The following CMC2 variants were observed in gnomAD, a reference collection of about 807,000 sequenced individuals.
The protein encoded by CMC2 is C-X9-C motif containing 2, also known as COX assembly mitochondrial protein 2 homolog.
Under a neutral mutation model 7.5 loss-of-function variants are expected in CMC2, and 5 were observed. The observed-to-expected ratio is 0.66, with a 90% CI of 0.35 to 1.40. The LOEUF (loss-of-function observed/expected upper bound fraction) is 1.40. Among genes scored for constraint, CMC2 ranks in the 40% most tolerant of loss-of-function variants. The probability of loss-of-function intolerance (pLI) is 0.04; values close to 1 mark genes in which losing one functional copy is unlikely to be tolerated. For missense variants in CMC2, 115 were observed against 92.3 expected (o/e 1.25, Z -1.01); for synonymous variants, 37 against 31.4 (o/e 1.18, Z -0.60).
rs148366341 is a variant in CMC2, at chr16:80,973,995, G to A, written c.*2098C>T. 2 of 152,134 alleles carry A rather than the reference G, an allele frequency of 1.3e-5. No homozygotes were observed. Among genetic ancestry groups the A allele is most frequent in the South Asian group, 2.1e-4 (1 of 4,820 alleles). The allele number at this position is 152,134 out of a possible 1,614,324, so 9.4% of individuals were successfully genotyped here. On this transcript the variant is annotated 3_prime_UTR_variant, in exon 4 of 4. Coordinates refer to ENST00000219400, the MANE Select transcript of CMC2 (RefSeq NM_020188.5). ...GGGCCTTAGCTGGCATCTGCATGCT[G>A]ACATCTCCCAATTTTGTTCTAATCC...
Position 80,971,584 on chromosome 16 carries a change from ATG to A in CMC2, c.*4507_*4508del, listed in dbSNP as rs1555512301. 153 of 139,312 alleles carry A rather than the reference ATG, an allele frequency of 1.1e-3. 6 individuals are homozygous for A. The highest frequency in any genetic ancestry group is 3.6e-3 in the African/African-American group (124 of 34,042). The allele number at this position is 139,312 out of a possible 1,614,324, so 8.6% of individuals were successfully genotyped here. A position where few individuals can be genotyped will look rare whatever the true frequency, so the allele number is the denominator to read the frequency against. On this transcript the variant is annotated 3_prime_UTR_variant, in exon 4 of 4. Transcript: ENST00000219400. ...ACATTTTATATATATATATATATATATGTATGAAATCATGCATATATATATAT... is the reference window on the plus strand; with the variant it reads ...ACATTTTATATATATATATATATATATATGAAATCATGCATATATATATAT...
At chr16:81,003,180 T>C (rs887956506) in intron 1 of CMC2, among the ~76,000 whole-genome samples, 20 of 152,226 alleles carry the variant, frequency 1.3e-4, no homozygotes, top group African/African-American at 4.6e-4. Context: ...GGCAATGTTC[T>C]CTCAGAACAC....
intron 2 of CMC2, among the ~76,000 whole-genome samples, chr16:80,985,868 G>A (rs1245521375): frequency 8.8e-6 from 1 of 113,464 alleles, no homozygotes; most frequent in Non-Finnish European, 1.7e-5. Flanking sequence ...ATCAAGGCTT[G>A]GAAGACAGAA....
In CMC2 at chr16:80,968,425, C is replaced by T. The variant is rs12149171; in HGVS notation, c.*7668G>A. 24,405 of 152,088 alleles carry T rather than the reference C, an allele frequency of 0.16. 2,492 individuals carry two copies. Among genetic ancestry groups the T allele is most frequent in the African/African-American group, 0.3 (12,401 of 41,428 alleles). 9.4% of individuals were successfully genotyped at this position (152,088 alleles called of 1,614,324 possible). On this transcript the variant is annotated 3_prime_UTR_variant, in exon 4 of 4. Transcript: ENST00000219400. ...GGGTTACGCTAAAGCTGCTGGCCCA[C>T]GGACCACAGTCTAATGGCCCAAATG...
intron 1 of CMC2, among the ~76,000 whole-genome samples, chr16:80,999,547 C>T (rs1968696173): frequency 6.6e-6 from 1 of 151,784 alleles, no homozygotes; most frequent in Non-Finnish European, 1.5e-5. Flanking sequence ...CATTTTTTCA[C>T]ACAATTAGAA....
In CMC2 at chr16:80,971,458, A is replaced by ATTT. The variant is rs1911906416; in HGVS notation, c.*4634_*4635insAAA. 13 of 146,438 alleles carry ATTT rather than the reference A, an allele frequency of 8.9e-5. 1 individual carries two copies. Among genetic ancestry groups the ATTT allele is most frequent in the African/African-American group, 2.4e-4 (9 of 37,646 alleles). The allele number at this position is 146,438 out of a possible 1,614,324, so 9.1% of individuals were successfully genotyped here. A position where few individuals can be genotyped will look rare whatever the true frequency, so the allele number is the denominator to read the frequency against. ...ATCAACATAGTATTTTTTTTTTAAA[A>ATTT]AAAAAAGGTACGCTACCAAAGGCTA... On this transcript the variant is annotated 3_prime_UTR_variant, in exon 4 of 4. Coordinates refer to ENST00000219400, the MANE Select transcript of CMC2 (RefSeq NM_020188.5).
At chr16:81,005,441 A>T (rs938293546) in intron 1 of CMC2, among the ~76,000 whole-genome samples, 1 of 139,248 alleles carries the variant, frequency 7.2e-6, no homozygotes, top group Non-Finnish European at 1.6e-5. Flanking sequence ...TATATATATA[A>T]ATAAATAACA....
At position 80,973,726 on chromosome 16, in the gene CMC2, A is replaced by C. The variant is rs1277775510; in HGVS notation, c.*2367T>G. The stretch of plus-strand genomic sequence containing the variant: ...GCTCACTGTGCTCCAGTTCACTAGC[A>C]TTTTATTTGTCAAACTCCCTTCCTA... On this transcript the variant is annotated 3_prime_UTR_variant, in exon 4 of 4. Transcript: ENST00000219400. The C allele has an allele frequency of 3.9e-5, 6 of 152,144 alleles. No homozygotes were observed. Among genetic ancestry groups the C allele is most frequent in the Admixed American group, 3.9e-4 (6 of 15,262 alleles). 9.4% of individuals were successfully genotyped at this position (152,144 alleles called of 1,614,324 possible).
intron 2 of CMC2, among the ~76,000 whole-genome samples, chr16:80,984,567 G>C (rs908598259): frequency 6.6e-6 from 1 of 151,970 alleles, no homozygotes; most frequent in African/African-American, 2.4e-5. Flanking sequence ...AAAACTTTTT[G>C]TACTTAATTT....
In CMC2 at chr16:80,968,905, C is replaced by T. The variant is rs1028630964; in HGVS notation, c.*7188G>A. 6 of 152,170 alleles carry T rather than the reference C, an allele frequency of 3.9e-5. No individual in the cohort carries two copies. Among genetic ancestry groups the T allele is most frequent in the African/African-American group, 7.2e-5 (3 of 41,422 alleles). The allele number at this position is 152,170 out of a possible 1,614,324, so 9.4% of individuals were successfully genotyped here. A position where few individuals can be genotyped will look rare whatever the true frequency, so the allele number is the denominator to read the frequency against. Reference sequence around the variant, plus strand: ...AAAGATGGAAGATACTGAGTCTCTACGAGGAATGGTGTGAGAAACAAGAAT... The same window carrying T: ...AAAGATGGAAGATACTGAGTCTCTATGAGGAATGGTGTGAGAAACAAGAAT... On this transcript the variant is annotated 3_prime_UTR_variant, in exon 4 of 4. Transcript: ENST00000219400.
In CMC2 at chr16:80,973,113, G is replaced by A. The variant is rs1227611644; in HGVS notation, c.*2980C>T. The A allele has an allele frequency of 6.6e-6, 1 of 152,280 alleles. No individual in the cohort carries two copies. Among genetic ancestry groups the A allele is most frequent in the African/African-American group, 2.4e-5 (1 of 41,460 alleles). The allele number at this position is 152,280 out of a possible 1,614,324, so 9.4% of individuals were successfully genotyped here. ...CAGGCTGGGGAAAGTCAGCAAGGCT[G>A]ATGAGATGTAAAGCATGGAATAAGA... is the stretch of plus-strand genomic sequence containing the variant. On this transcript the variant is annotated 3_prime_UTR_variant, in exon 4 of 4. Coordinates refer to ENST00000219400, the MANE Select transcript of CMC2 (RefSeq NM_020188.5).
In CMC2 at chr16:80,986,136, T is replaced by C. The variant is rs148085981; in HGVS notation, c.82-4259A>G. ...GCCCAGGCGGGCGGATCACCTGAGG[T>C]CAGGAGTTTGAGGCCAGCCTGGGCT... On this transcript the variant is annotated intron_variant, in intron 2 of 3. Transcript: ENST00000219400. Among the ~76,000 whole-genome samples, 46 of 152,228 alleles carry C rather than the reference T, an allele frequency of 3.0e-4. No homozygotes were observed. In the East Asian group the frequency reaches 8.7e-3, roughly 29 times the overall value.
chr16:80,978,260 G>C (rs1011271133), intron 3 of CMC2: 4 of 1,109,386 alleles, frequency 3.6e-6, no homozygotes, highest in African/African-American at 1.7e-5. Context: ...ACGTCTACTG[G>C]ATTGCCCCCA....
Position 80,992,721 on chromosome 16 carries a change from T to TTTTTTTTG in CMC2, c.81+4592_81+4593insCAAAAAAA, listed in dbSNP as rs1485859033. Among the ~76,000 whole-genome samples the TTTTTTTTG allele has an allele frequency of 2.2e-5, 3 of 138,776 alleles. 1 individual carries two copies. The highest frequency in any genetic ancestry group is 7.8e-5 in the African/African-American group (3 of 38,324). The allele number at this position is 138,776 out of a possible 152,430, so 91.0% of individuals were successfully genotyped here. On this transcript the variant is annotated intron_variant, in intron 2 of 3. Coordinates refer to ENST00000219400, the MANE Select transcript of CMC2 (RefSeq NM_020188.5). ...TTCCCCCTCCTTTTTTTTTTTTTTTTTGTGTAAAGACAGGGTCTCACTTTG... is the reference window on the plus strand; with the variant it reads ...TTCCCCCTCCTTTTTTTTTTTTTTTTTTTTTTTGTGTGTAAAGACAGGGTCTCACTTTG...
chr16:80,988,532 G>A (rs1967717328), intron 2 of CMC2: 1 of 700,876 alleles, frequency 1.4e-6, no homozygotes, highest in African/African-American at 1.8e-5. Flanking sequence ...TATCCTTCTA[G>A]CTCTTACATA....
intron 1 of CMC2, among the ~76,000 whole-genome samples, chr16:81,006,034 T>A (rs529959956): frequency 1.3e-5 from 2 of 151,994 alleles, no homozygotes; most frequent in Admixed American, 1.3e-4. Context: ...GGAGAGGAGA[T>A]ACGAATGGCA....
Position 80,997,425 on chromosome 16 carries a change from G to A in CMC2, c.-31C>T, listed in dbSNP as rs529751171. The stretch of plus-strand genomic sequence containing the variant: ...GGAGATGAGGATGGATCACAGCAGT[G>A]CAACCTGTGGATACAAGAGTGTCTT... On this transcript the variant is annotated 5_prime_UTR_variant, in exon 2 of 4. Transcript: ENST00000219400. 2.6e-6 allele frequency: 4 copies of A among 1,535,816 alleles called. No homozygotes were observed. In the South Asian group the frequency reaches 3.4e-5, roughly 13 times the overall value.
rs1555512297 is a variant in CMC2, at chr16:80,971,562, T to TATATATATA, written c.*4530_*4531insTATATATAT. ...GGCTATGGATACTGACATACATACA[T>TATATATATA]TTTATATATATATATATATATATGT... On this transcript the variant is annotated 3_prime_UTR_variant, in exon 4 of 4. Coordinates refer to ENST00000219400, the MANE Select transcript of CMC2 (RefSeq NM_020188.5). 7.5e-3 allele frequency: 567 copies of TATATATATA among 75,786 alleles called. 11 individuals carry two copies. Among genetic ancestry groups the TATATATATA allele is most frequent in the Admixed American group, 0.017 (146 of 8,480 alleles). 4.7% of individuals were successfully genotyped at this position (75,786 alleles called of 1,614,324 possible). A position where few individuals can be genotyped will look rare whatever the true frequency, so the allele number is the denominator to read the frequency against.
chr16:80,999,528 T>C (rs1472198930), intron 1 of CMC2, among the ~76,000 whole-genome samples: 3 of 151,528 alleles, frequency 2.0e-5, no homozygotes, highest in South Asian at 2.1e-4. Flanking sequence ...CCTATCAAAC[T>C]ACCAATGGCA....
Sources: allele counts gnomAD v4.1 joint callset (sites outside exome capture counted in the v4.1 genomes callset), GRCh38; gene constraint gnomAD v4.1.1; transcripts MANE v1.5; gene names NCBI Gene and HGNC (gene_info 2026-07-23, HGNC 2026-07-21).